PRSS23: variants seen among roughly 807,000 people sequenced by gnomAD.
The protein encoded by PRSS23 is serine protease 23, also known as protease, serine 23.
Under a neutral mutation model 34.7 loss-of-function variants are expected in PRSS23, and 25 were observed. That is an observed-to-expected ratio of 0.72 (90% CI 0.53 to 1.01). PRSS23 has a LOEUF of 1.01. PRSS23 is among the 50% of genes least tolerant of loss of function. PRSS23 has a pLI of 0.00. For synonymous variants in PRSS23, 176 were observed against 186.6 expected (o/e 0.94, Z 0.46); for missense variants, 445 against 475.6 (o/e 0.94, Z 0.60).
chr11:86,808,261 C>T lies in PRSS23; in HGVS notation c.618C>T (p.Ala206=). 4.3e-6 allele frequency: 7 copies of T among 1,614,050 alleles called. No individual in the cohort carries two copies. Among genetic ancestry groups the T allele is most frequent in the Non-Finnish European group, 5.9e-6 (7 of 1,180,036 alleles). Residue 206 remains alanine, a synonymous_variant, in exon 2 of 2, where the codon GCC becomes GCT. Transcript: ENST00000280258. Reference sequence around the variant, plus strand: ...AGTTTAAAGATGGTGGTCGAGGGGCCAACGACTCCACTTCAGCCATGCCCG... The same window carrying T: ...AGTTTAAAGATGGTGGTCGAGGGGCTAACGACTCCACTTCAGCCATGCCCG... The part of the protein sequence containing the change: ...KPKFKDGGRG[A]NDSTSAMPEQ...
intron 2 of PRSS23, chr11:86,909,078 G>A (rs1487805751): frequency 1.3e-5 from 2 of 151,790 alleles, no homozygotes; most frequent in Admixed American, 1.3e-4. Context: ...CTTAACCAGA[G>A]TTGTGCACCA....
intron 2 of PRSS23, among the ~76,000 whole-genome samples, chr11:86,839,563 C>T (rs1030813713): frequency 6.6e-6 from 1 of 152,068 alleles, no homozygotes; most frequent in Non-Finnish European, 1.5e-5. Flanking sequence ...CCTAACGTAG[C>T]AAGGCAGGCC....
intron 2 of PRSS23, among the ~76,000 whole-genome samples, chr11:86,905,560 T>C (rs1182423382): frequency 1.3e-5 from 2 of 152,238 alleles, no homozygotes; most frequent in South Asian, 4.1e-4. Flanking sequence ...GGTCATATGC[T>C]GAGTTGAAGC....
rs112902053 is a variant in PRSS23, at chr11:86,931,541, C to T, written c.207-19675C>T. Reference sequence around the variant, plus strand: ...AATCAATGTACATAAAAAATAGTCCCTAGTAATAGAAATCAGAAAGTAGTT... The same window carrying T: ...AATCAATGTACATAAAAAATAGTCCTTAGTAATAGAAATCAGAAAGTAGTT... On this transcript the variant is annotated intron_variant, in intron 2 of 2. Coordinates refer to the PRSS23 transcript ENST00000533902. 4.7e-3 allele frequency among the ~76,000 whole-genome samples: 713 copies of T among 152,156 alleles called. 6 individuals are homozygous for T. The highest frequency in any genetic ancestry group is 0.017 in the African/African-American group (689 of 41,510).
At chr11:86,887,558 G>A (rs1223804769) in intron 2 of PRSS23, among the ~76,000 whole-genome samples, 1 of 152,170 alleles carries the variant, frequency 6.6e-6, no homozygotes, top group East Asian at 1.9e-4. Flanking sequence ...CTTTACGGAA[G>A]CACTTTAAAA....
intron 2 of PRSS23, among the ~76,000 whole-genome samples, chr11:86,869,655 T>C (rs1412113775): frequency 1.2e-4 from 18 of 152,178 alleles, no homozygotes; most frequent in Admixed American, 1.0e-3. Flanking sequence ...ACTTCTGCAA[T>C]GCCTCTCAAA....
intron 2 of PRSS23, among the ~76,000 whole-genome samples, chr11:86,882,118 T>C (rs1487949165): frequency 6.6e-6 from 1 of 152,214 alleles, no homozygotes; most frequent in African/African-American, 2.4e-5. Flanking sequence ...CTCCAATATT[T>C]ATTATTTACT....
intron 1 of PRSS23, among the ~76,000 whole-genome samples, chr11:86,822,607 G>C (rs1400535176): frequency 6.8e-6 from 1 of 146,486 alleles, no homozygotes; most frequent in Non-Finnish European, 1.5e-5. Flanking sequence ...GGCGACAAGA[G>C]TGTGAACCTG....
At chr11:86,860,413 A>G (rs546441457) in intron 2 of PRSS23, among the ~76,000 whole-genome samples, 56 of 151,614 alleles carry the variant, frequency 3.7e-4, no homozygotes, top group African/African-American at 1.4e-3. Flanking sequence ...GTGAGAGGAT[A>G]TTACTCCCAA....
At chr11:86,859,826 T>C (rs1334892624) in intron 2 of PRSS23, among the ~76,000 whole-genome samples, 2 of 151,946 alleles carry the variant, frequency 1.3e-5, no homozygotes, top group Admixed American at 1.3e-4. Flanking sequence ...TGACTCCCAA[T>C]ATTGCATGGG....
At chr11:86,938,963 C>A in intron 2 of PRSS23, 1 of 422,322 alleles carries the variant, frequency 2.4e-6, no homozygotes, top group South Asian at 1.7e-5. Flanking sequence ...GGGAGGAGGC[C>A]TTCTCAAAAA....
chr11:86,814,363 A>AGAG (rs34968040), downstream of PRSS23, among the ~76,000 whole-genome samples: 22,189 of 151,482 alleles, frequency 0.15, 2,184 homozygotes, highest in East Asian at 0.41. Flanking sequence ...AGAAGGAGGA[A>AGAG]GAGGAGGAGG....
chr11:86,952,855 T>C, exon 3 of PRSS23: 1 of 161,432 alleles, frequency 6.2e-6, no homozygotes, highest in Non-Finnish European at 1.4e-5. Context: ...CTCATTTAGG[T>C]GGTTTATTTT....
chr11:86,815,907 T>G (rs1470946261), downstream of PRSS23, among the ~76,000 whole-genome samples: 1 of 152,164 alleles, frequency 6.6e-6, no homozygotes, highest in Non-Finnish European at 1.5e-5. Flanking sequence ...GATTCCAAAC[T>G]GGATTCTGAG....
At chr11:86,885,578 C>G (rs1043473575) in intron 2 of PRSS23, among the ~76,000 whole-genome samples, 2 of 152,224 alleles carry the variant, frequency 1.3e-5, no homozygotes, top group African/African-American at 4.8e-5. Flanking sequence ...ACAGAACAGA[C>G]TGATCTCCCT....
chr11:86,797,894 C>A (rs527833770), upstream of PRSS23, among the ~76,000 whole-genome samples: 1 of 152,242 alleles, frequency 6.6e-6, no homozygotes, highest in Admixed American at 6.5e-5. Context: ...AGTGAAAAGC[C>A]ACACAACTAG....
chr11:86,906,938 C>T (rs1333223812), intron 2 of PRSS23, among the ~76,000 whole-genome samples: 2 of 151,892 alleles, frequency 1.3e-5, no homozygotes, highest in Non-Finnish European at 2.9e-5. Context: ...CCATTTTACC[C>T]GGTGATAGAT....
At chr11:86,940,316 T>G (rs919226017) in intron 2 of PRSS23, among the ~76,000 whole-genome samples, 1 of 152,204 alleles carries the variant, frequency 6.6e-6, no homozygotes, top group East Asian at 1.9e-4. Flanking sequence ...GTATCGGGTG[T>G]GCAGAGCAAA....
intron 2 of PRSS23, among the ~76,000 whole-genome samples, chr11:86,874,602 G>A (rs934198985): frequency 2.6e-5 from 4 of 152,106 alleles, no homozygotes; most frequent in African/African-American, 7.2e-5. Flanking sequence ...AAAACTAGTC[G>A]GAGTTTACCT....
Sources: allele counts gnomAD v4.1 joint callset (sites outside exome capture counted in the v4.1 genomes callset), GRCh38; gene constraint gnomAD v4.1.1; transcripts MANE v1.5; gene names NCBI Gene and HGNC (gene_info 2026-07-23, HGNC 2026-07-21).